The following PRTFDC1 variants were observed in gnomAD, a reference collection of about 807,000 sequenced individuals.
The protein encoded by PRTFDC1 is phosphoribosyl transferase domain containing 1, also known as phosphoribosyltransferase domain-containing protein 1.
PRTFDC1 carries 38 observed loss-of-function variants against 34.6 expected under a neutral mutation model. That is an observed-to-expected ratio of 1.10 (90% CI 0.85 to 1.44). PRTFDC1 has a LOEUF of 1.44. PRTFDC1 is among the 40% of genes most tolerant of loss of function. The probability of loss-of-function intolerance (pLI) is 0.00; values close to 1 mark genes in which losing one functional copy is unlikely to be tolerated. For synonymous variants in PRTFDC1, 93 were observed against 98.1 expected, an observed-to-expected ratio of 0.95 and a Z score of 0.31; for missense variants, 270 against 283.0, an observed-to-expected ratio of 0.95 and a Z score of 0.33.
chr10:24,896,890 C>A (rs1313695884), intron 3 of PRTFDC1, among the ~76,000 whole-genome samples: 1 of 152,186 alleles, frequency 6.6e-6, no homozygotes, highest in African/African-American at 2.4e-5. Context: ...GCCTGGACAA[C>A]ATAGCAAGAC....
chr10:24,951,673 T>C, intron 1 of PRTFDC1: 1 of 927,554 alleles, frequency 1.1e-6, no homozygotes, highest in Non-Finnish European at 1.3e-6. Flanking sequence ...ACACTGAACC[T>C]GACACAAGTT....
At chr10:24,944,876 G>A (rs1430057348) in intron 1 of PRTFDC1, among the ~76,000 whole-genome samples, 3 of 152,110 alleles carry the variant, frequency 2.0e-5, no homozygotes, top group Non-Finnish European at 4.4e-5. Context: ...TCCAAGTAAA[G>A]ACCAGAGTCC....
At chr10:24,856,274 A>T in intron 6 of PRTFDC1, among the ~76,000 whole-genome samples, 1 of 151,538 alleles carries the variant, frequency 6.6e-6, no homozygotes, top group East Asian at 1.9e-4. Context: ...ACCCTGTCTC[A>T]TATTAAAGAA....
intron 3 of PRTFDC1, among the ~76,000 whole-genome samples, chr10:24,901,894 C>G (rs1848455626): frequency 6.6e-6 from 1 of 152,158 alleles, no homozygotes; most frequent in African/African-American, 2.4e-5. Context: ...CAGCCAACTC[C>G]CCAACCACAG....
chr10:24,908,775 G>T, intron 3 of PRTFDC1: 2 of 1,443,912 alleles, frequency 1.4e-6, no homozygotes, highest in Middle Eastern at 2.5e-4. Context: ...AGCGATCAAT[G>T]GGGTGACTGA....
intron 3 of PRTFDC1, among the ~76,000 whole-genome samples, chr10:24,924,672 T>G (rs1848843479): frequency 6.6e-6 from 1 of 152,040 alleles, no homozygotes; most frequent in Non-Finnish European, 1.5e-5. Flanking sequence ...GAACAGACAC[T>G]TCTCAAAAGA....
intron 3 of PRTFDC1, among the ~76,000 whole-genome samples, chr10:24,877,393 T>C (rs1565263212): frequency 1.3e-5 from 2 of 152,216 alleles, no homozygotes; most frequent in Admixed American, 1.3e-4. Flanking sequence ...TTGATGTTTG[T>C]GTGTTTTTAA....
At chr10:24,900,848 A>T (rs1848438559) in intron 3 of PRTFDC1, among the ~76,000 whole-genome samples, 1 of 152,204 alleles carries the variant, frequency 6.6e-6, no homozygotes, top group Non-Finnish European at 1.5e-5. Flanking sequence ...TATAAATAAA[A>T]ATCTATGCAT....
chr10:24,858,728 G>A (rs1847623793), intron 4 of PRTFDC1, among the ~76,000 whole-genome samples: 1 of 152,128 alleles, frequency 6.6e-6, no homozygotes, highest in Non-Finnish European at 1.5e-5. Context: ...GCATTCCCTT[G>A]GGAGGCAAAG....
At chr10:24,852,683 G>C (rs1325626790) in intron 7 of PRTFDC1, among the ~76,000 whole-genome samples, 1 of 152,234 alleles carries the variant, frequency 6.6e-6, no homozygotes, top group East Asian at 1.9e-4. Flanking sequence ...CACTGGTCCA[G>C]TGATTTTCAA....
chr10:24,859,532 C>A (rs1485464465), intron 4 of PRTFDC1, among the ~76,000 whole-genome samples: 1 of 152,212 alleles, frequency 6.6e-6, no homozygotes. Context: ...AGGCACGAGC[C>A]GCCACACCCA....
chr10:24,874,848 G>T (rs911736794), intron 3 of PRTFDC1, among the ~76,000 whole-genome samples: 8 of 152,086 alleles, frequency 5.3e-5, no homozygotes, highest in African/African-American at 1.9e-4. Context: ...TCATGGGGAG[G>T]GACCCAGTGG....
chr10:24,858,328 C>G, intron 5 of PRTFDC1, 64 bp downstream of exon 5: 1 of 1,548,776 alleles, frequency 6.5e-7, no homozygotes, highest in Non-Finnish European at 8.9e-7. Flanking sequence ...ACAAGGTTTA[C>G]CGTTTAAAAC....
rs762084915 is a variant in PRTFDC1 at position 24,895,688 on chromosome 10, GATATATATATATATATATATAT to G, written c.340-23647_340-23626del. The stretch of plus-strand genomic sequence containing the variant: ...ACCTAGGAGGGCAAGAGCTGGGGTG[GATATATATATATATATATATAT>G]ATATATATATATATATATCTGTAAA... On this transcript the variant is annotated intron_variant, in intron 3 of 8. Transcript: ENST00000320152. 1.9e-3 allele frequency among the ~76,000 whole-genome samples: 92 copies of G among 47,412 alleles called. 2 individuals are homozygous for G. Among genetic ancestry groups the G allele is most frequent in the South Asian group, 5.0e-3 (5 of 998 alleles). 31.1% of individuals were successfully genotyped at this position (47,412 alleles called of 152,430 possible).
At chr10:24,871,066 G>A (rs1213101128) in intron 4 of PRTFDC1, among the ~76,000 whole-genome samples, 1 of 74,394 alleles carries the variant, frequency 1.3e-5, no homozygotes, top group Non-Finnish European at 2.6e-5. Context: ...GCAAGACTCT[G>A]TCTAAAAAAA....
intron 4 of PRTFDC1, among the ~76,000 whole-genome samples, chr10:24,863,044 T>C (rs1212176790): frequency 1.1e-4 from 16 of 151,428 alleles, no homozygotes; most frequent in Non-Finnish European, 1.5e-5. Context: ...GCCCAGCTAA[T>C]TTTTTTGTAT....
intron 3 of PRTFDC1, among the ~76,000 whole-genome samples, chr10:24,877,250 G>A (rs1197213367): frequency 6.6e-6 from 1 of 151,888 alleles, no homozygotes; most frequent in Non-Finnish European, 1.5e-5. Context: ...GGTCAAGCTG[G>A]TCTCAAACAA....
rs75113626 is a variant in PRTFDC1 at position 24,886,475 on chromosome 10, G to A, written c.340-14412C>T. 7.1e-3 allele frequency among the ~76,000 whole-genome samples: 1,078 copies of A among 152,232 alleles called. 16 individuals are homozygous for A. Among genetic ancestry groups the A allele is most frequent in the African/African-American group, 0.024 (1,005 of 41,544 alleles). On this transcript the variant is annotated intron_variant, in intron 3 of 8. Transcript: ENST00000320152. ...AAGCCTCCACCTGACCAACAGGTTC[G>A]GCAGCTTCCGTATTGGCCTGATCAC...
intron 5 of PRTFDC1, among the ~76,000 whole-genome samples, chr10:24,857,357 A>G (rs1235698488): frequency 1.3e-5 from 2 of 152,156 alleles, no homozygotes; most frequent in African/African-American, 4.8e-5. Flanking sequence ...AGGCACATGA[A>G]TTTTCATGGA....
Sources: gnomAD v4.1 joint callset for allele counts (sites outside exome capture counted in the v4.1 genomes callset) on GRCh38, gnomAD v4.1.1 for gene constraint, MANE v1.5 for transcripts, NCBI Gene and HGNC (gene_info 2026-07-23, HGNC 2026-07-21) for gene names.